SLC25A26: variants seen among roughly 807,000 people sequenced by gnomAD.
The protein encoded by SLC25A26 is solute carrier family 25 member 26.
Under a neutral mutation model 37.8 loss-of-function variants are expected in SLC25A26, and 36 were observed. The ratio of observed to expected loss-of-function variants is 0.95; its 90% CI spans 0.73 to 1.26. SLC25A26 has a LOEUF of 1.26. Among genes scored for constraint, SLC25A26 ranks in the 50% most tolerant of loss-of-function variants. The pLI is 0.00. For missense variants in SLC25A26, 390 were observed against 331.1 expected (o/e 1.18, Z -1.38); for synonymous variants, 129 against 122.5 (o/e 1.05, Z -0.35).
chr3:66,149,653 G>A (rs541075722), intron 1 of SLC25A26, among the ~76,000 whole-genome samples: 7 of 152,222 alleles, frequency 4.6e-5, no homozygotes, highest in Middle Eastern at 3.4e-3. Flanking sequence ...ACAAACTGAG[G>A]TACAGAGAGG....
chr3:66,208,870 G>GTGTATATATATATATATATA (rs1364331517), intron 1 of SLC25A26, among the ~76,000 whole-genome samples: 43 of 55,892 alleles, frequency 7.7e-4, no homozygotes, highest in African/African-American at 1.3e-3. Flanking sequence ...ATGGGTGTGT[G>GTGTATATATATATATATATA]TATATATATA....
intron 1 of SLC25A26, among the ~76,000 whole-genome samples, chr3:66,171,902 C>G (rs949043649): frequency 5.3e-5 from 8 of 152,186 alleles, no homozygotes; most frequent in Non-Finnish European, 1.2e-4. Context: ...TCTCATGGAG[C>G]TTATGTGAAG....
intron 5 of SLC25A26, among the ~76,000 whole-genome samples, chr3:66,301,903 C>T (rs2075085975): frequency 6.6e-6 from 1 of 152,122 alleles, no homozygotes; most frequent in South Asian, 2.1e-4. Flanking sequence ...TATTTTGTTC[C>T]TCTGTAAGAT....
chr3:66,146,255 G>A (rs751362330), intron 1 of SLC25A26, among the ~76,000 whole-genome samples: 7 of 151,612 alleles, frequency 4.6e-5, no homozygotes, highest in East Asian at 3.9e-4. Flanking sequence ...CAGGAGAATC[G>A]CTTGAACCCG....
At chr3:66,293,793 G>A (rs1411633485) in intron 5 of SLC25A26, among the ~76,000 whole-genome samples, 3 of 151,978 alleles carry the variant, frequency 2.0e-5, no homozygotes, top group Non-Finnish European at 2.9e-5. Context: ...GTTTTATTAC[G>A]GGCATTTAGG....
intron 5 of SLC25A26, among the ~76,000 whole-genome samples, chr3:66,272,662 C>T (rs2073997634): frequency 6.6e-6 from 1 of 152,138 alleles, no homozygotes; most frequent in Non-Finnish European, 1.5e-5. Context: ...TCCCTGATCA[C>T]TCACCTGTTA....
chr3:66,141,895 G>GC (rs2070041605), intron 1 of SLC25A26, among the ~76,000 whole-genome samples: 1 of 152,210 alleles, frequency 6.6e-6, no homozygotes, highest in Non-Finnish European at 1.5e-5. Flanking sequence ...GAATACTTTA[G>GC]ATTTAGTCAT....
Position 66,263,363 on chromosome 3 carries a change from G to A in SLC25A26, c.437G>A (p.Ser146Asn). 1 of 1,611,338 alleles carries A rather than the reference G, an allele frequency of 6.2e-7. No individual in the cohort carries two copies. The highest frequency in any genetic ancestry group is 8.5e-7 in the Non-Finnish European group (1 of 1,178,166). ...CAAGGGTTGTATCGAGGCTATAAAA[G>A]CACAGTTTTAAGAGAGGTAAGTCAC... ...GIQGLYRGYK[S>N]TVLREIPFSL... Residue 146 changes from serine (S) to asparagine (N), a missense_variant, in exon 5 of 10, where the codon AGC becomes AAC. Physicochemically the swap from Ser to Asn is conservative, Grantham distance 46. Coordinates refer to ENST00000354883, the MANE Select transcript of SLC25A26 (RefSeq NM_001379210.1).
Position 66,346,378 on chromosome 3 carries a change from G to C in SLC25A26, c.468G>C (p.Leu156Phe). 1.4e-6 allele frequency: 2 copies of C among 1,466,676 alleles called. No homozygotes were observed. Among genetic ancestry groups the C allele is most frequent in the Non-Finnish European group, 9.0e-7 (1 of 1,105,060 alleles). The allele number at this position is 1,466,676 out of a possible 1,614,324, so 90.9% of individuals were successfully genotyped here. A position where few individuals can be genotyped will look rare whatever the true frequency, so the allele number is the denominator to read the frequency against. Reference sequence around the variant, plus strand: ...TCTCTCTTCAGATTCCTTTTTCTTTGGTCCAGTTTCCCTTATGGGAGTCCT... The same window carrying C: ...TCTCTCTTCAGATTCCTTTTTCTTTCGTCCAGTTTCCCTTATGGGAGTCCT... ...STVLREIPFS[L>F]VQFPLWESLK... Residue 156 changes from leucine to phenylalanine, a missense_variant, in exon 6 of 10, where the codon TTG (leucine) becomes TTC (phenylalanine). Leu to Phe is a conservative substitution (Grantham distance 22, BLOSUM62 0). Coordinates refer to ENST00000354883, the MANE Select transcript of SLC25A26 (RefSeq NM_001379210.1).
intron 2 of SLC25A26, among the ~76,000 whole-genome samples, chr3:66,238,449 C>G (rs1230018113): frequency 6.6e-6 from 1 of 152,060 alleles, no homozygotes; most frequent in Non-Finnish European, 1.5e-5. Flanking sequence ...GTGGCGCCAT[C>G]TCTGGTCACT....
chr3:66,333,166 A>G (rs1218783745), intron 5 of SLC25A26, among the ~76,000 whole-genome samples: 1 of 152,138 alleles, frequency 6.6e-6, no homozygotes, highest in Non-Finnish European at 1.5e-5. Context: ...CTGTGTGTAG[A>G]ATAACATGAG....
chr3:66,314,867 C>T (rs1326530067), intron 5 of SLC25A26, among the ~76,000 whole-genome samples: 2 of 151,522 alleles, frequency 1.3e-5, no homozygotes, highest in Non-Finnish European at 2.9e-5. Flanking sequence ...TTTATGTGTC[C>T]AGGAATATAT....
intron 1 of SLC25A26, among the ~76,000 whole-genome samples, chr3:66,213,259 G>C (rs1282450332): frequency 6.6e-6 from 1 of 151,828 alleles, no homozygotes; most frequent in South Asian, 2.1e-4. Context: ...AATTAGCCAG[G>C]TGTGGTAGCC....
upstream of SLC25A26, chr3:66,220,785 A>C (rs975547498): frequency 3.9e-5 from 19 of 485,038 alleles, no homozygotes; most frequent in Admixed American, 3.2e-4. Context: ...TCTCTCCTGG[A>C]TCTCGGCCAC....
chr3:66,270,579 A>G (rs957021270), intron 5 of SLC25A26, among the ~76,000 whole-genome samples: 1 of 152,198 alleles, frequency 6.6e-6, no homozygotes, highest in Non-Finnish European at 1.5e-5. Flanking sequence ...AACAAATGAA[A>G]ATGAAATTTC....
chr3:66,158,528 A>C (rs549520082), intron 1 of SLC25A26, among the ~76,000 whole-genome samples: 8 of 152,154 alleles, frequency 5.3e-5, no homozygotes, highest in Non-Finnish European at 1.2e-4. Flanking sequence ...AGAAACTGCC[A>C]ACCTGTTTTC....
chr3:66,252,995 C>T (rs990485049), intron 3 of SLC25A26, among the ~76,000 whole-genome samples: 3 of 144,784 alleles, frequency 2.1e-5, no homozygotes, highest in Non-Finnish European at 3.0e-5. Flanking sequence ...CAAAATTTGC[C>T]GTTGGTTACT....
intron 7 of SLC25A26, among the ~76,000 whole-genome samples, chr3:66,368,838 C>T (rs879598856): frequency 2.0e-5 from 3 of 151,900 alleles, no homozygotes; most frequent in African/African-American, 7.3e-5. Context: ...GGCAACAGAG[C>T]AAGACCCTGT....
chr3:66,310,039 A>T (rs565210180), intron 5 of SLC25A26, among the ~76,000 whole-genome samples: 206 of 152,284 alleles, frequency 1.4e-3, no homozygotes, highest in African/African-American at 4.6e-3. Context: ...GCTGAGTCCA[A>T]GTCCTGAATA....
Sources: gnomAD v4.1 joint callset for allele counts (sites outside exome capture counted in the v4.1 genomes callset) on GRCh38, gnomAD v4.1.1 for gene constraint, MANE v1.5 for transcripts, NCBI Gene and HGNC (gene_info 2026-07-23, HGNC 2026-07-21) for gene names.